The following JARID2 variants were observed in gnomAD, a reference collection of about 807,000 sequenced individuals.
JARID2 encodes the protein protein Jumonji.
JARID2 carries 21 observed loss-of-function variants against 125.6 expected under a neutral mutation model. The observed-to-expected ratio is 0.17, with a 90% CI of 0.12 to 0.24. The LOEUF (loss-of-function observed/expected upper bound fraction) is 0.24, where lower values mean the gene tolerates loss of function less well. Ranked by LOEUF, JARID2 falls within the 10% of genes least tolerant of loss-of-function variation. The pLI is 1.00. For synonymous variants in JARID2, 736 were observed against 661.6 expected (o/e 1.11, Z -1.73); for missense variants, 1,303 against 1,639.6 (o/e 0.79, Z 3.55).
chr6:15,455,610 C>T (rs529610329), intron 4 of JARID2, among the ~76,000 whole-genome samples: 4 of 152,218 alleles, frequency 2.6e-5, no homozygotes, highest in African/African-American at 9.7e-5. Context: ...TGGCTCACTG[C>T]AACCTCTGCA....
chr6:15,420,921 TC>T (rs1766458460), intron 3 of JARID2, among the ~76,000 whole-genome samples: 1 of 152,234 alleles, frequency 6.6e-6, no homozygotes, highest in South Asian at 2.1e-4. Flanking sequence ...TGGATACTGT[TC>T]CTGCTAATCC....
intron 1 of JARID2, among the ~76,000 whole-genome samples, chr6:15,326,905 A>G (rs779273928): frequency 3.9e-5 from 6 of 152,256 alleles, no homozygotes; most frequent in Admixed American, 2.0e-4. Flanking sequence ...TGTCAGTCTC[A>G]TGTTTTCAAA....
chr6:15,317,111 T>C (rs964234335), intron 1 of JARID2, among the ~76,000 whole-genome samples: 6 of 152,234 alleles, frequency 3.9e-5, no homozygotes, highest in Non-Finnish European at 8.8e-5. Context: ...AATGGTACTT[T>C]GTTGCATGTA....
intron 1 of JARID2, among the ~76,000 whole-genome samples, chr6:15,271,053 G>C (rs543595897): frequency 6.6e-6 from 1 of 152,198 alleles, no homozygotes; most frequent in East Asian, 1.9e-4. Context: ...GGAACACAGA[G>C]TTCCCCTCCA....
intron 1 of JARID2, among the ~76,000 whole-genome samples, chr6:15,368,967 C>G (rs1764070581): frequency 6.6e-6 from 1 of 152,042 alleles, no homozygotes; most frequent in South Asian, 2.1e-4. Context: ...GCTTTTCTAA[C>G]AGGCTGCCGA....
intron 1 of JARID2, among the ~76,000 whole-genome samples, chr6:15,279,545 A>T (rs1760672527): frequency 6.6e-6 from 1 of 152,214 alleles, no homozygotes; most frequent in South Asian, 2.1e-4. Context: ...TTGCTAATTT[A>T]TAAAAGCCTT....
chr6:15,338,429 G>T (rs1173249236), intron 1 of JARID2, among the ~76,000 whole-genome samples: 1 of 152,226 alleles, frequency 6.6e-6, no homozygotes, highest in Non-Finnish European at 1.5e-5. Context: ...GAAAGGACTG[G>T]CTTGGCTTCA....
chr6:15,332,864 T>A (rs1272878433), intron 1 of JARID2, among the ~76,000 whole-genome samples: 1 of 152,096 alleles, frequency 6.6e-6, no homozygotes, highest in Non-Finnish European at 1.5e-5. Context: ...CTGTTATTTT[T>A]AAAAGAATAA....
chr6:15,518,679 A>G (rs1484182342), intron 17 of JARID2, among the ~76,000 whole-genome samples: 1 of 152,096 alleles, frequency 6.6e-6, no homozygotes, highest in African/African-American at 2.4e-5. Context: ...ACAGGGTTTT[A>G]CCATGTTGGT....
intron 2 of JARID2, among the ~76,000 whole-genome samples, chr6:15,397,998 TATAATA>T (rs1765281194): frequency 6.6e-6 from 1 of 152,206 alleles, no homozygotes; most frequent in Non-Finnish European, 1.5e-5. Flanking sequence ...AGGCAAGCGA[TATAATA>T]AGCAAGGCCA....
chr6:15,382,904 A>AT (rs561277558), intron 2 of JARID2, among the ~76,000 whole-genome samples: 8 of 152,056 alleles, frequency 5.3e-5, no homozygotes, highest in Non-Finnish European at 1.2e-4. Context: ...TGTTTCCCTG[A>AT]TTACATCATC....
At chr6:15,342,705 G>A (rs1436753962) in intron 1 of JARID2, among the ~76,000 whole-genome samples, 1 of 151,958 alleles carries the variant, frequency 6.6e-6, no homozygotes. Flanking sequence ...AAAAATTTGT[G>A]GTTTATACTG....
intron 1 of JARID2, among the ~76,000 whole-genome samples, chr6:15,339,410 G>T (rs1359784124): frequency 6.6e-6 from 1 of 152,092 alleles, no homozygotes; most frequent in Non-Finnish European, 1.5e-5. Flanking sequence ...TTACATTAGA[G>T]GACCTCTGGA....
At chr6:15,344,161 C>G (rs753142064) in intron 1 of JARID2, among the ~76,000 whole-genome samples, 4 of 104,908 alleles carry the variant, frequency 3.8e-5, no homozygotes, top group Non-Finnish European at 7.0e-5. Flanking sequence ...GTGAAACTTA[C>G]TTTCGTGGTA....
chr6:15,248,181 C>A, intron 1 of JARID2: 1 of 733,286 alleles, frequency 1.4e-6, no homozygotes, highest in Non-Finnish European at 1.7e-6. Context: ...GCACCGGGAG[C>A]AGAGCCGGTG....
intron 13 of JARID2, among the ~76,000 whole-genome samples, chr6:15,511,754 C>G (rs953018542): frequency 6.6e-6 from 1 of 152,146 alleles, no homozygotes; most frequent in African/African-American, 2.4e-5. Context: ...CTGGTGAGTT[C>G]CTGGGAAGTG....
At chr6:15,326,181 A>G (rs566888080) in intron 1 of JARID2, among the ~76,000 whole-genome samples, 1 of 152,172 alleles carries the variant, frequency 6.6e-6, no homozygotes, top group Admixed American at 6.5e-5. Flanking sequence ...ATTTTGTTTC[A>G]TTTACACCTT....
intron 4 of JARID2, among the ~76,000 whole-genome samples, chr6:15,466,318 G>A (rs1221754754): frequency 6.6e-6 from 1 of 152,202 alleles, no homozygotes; most frequent in Non-Finnish European, 1.5e-5. Flanking sequence ...ACAAGAACCT[G>A]CTGTTTTTAT....
At chr6:15,255,929 G>A (rs1347180239) in intron 1 of JARID2, among the ~76,000 whole-genome samples, 1 of 152,148 alleles carries the variant, frequency 6.6e-6, no homozygotes, top group Non-Finnish European at 1.5e-5. Context: ...AATGGACAAG[G>A]TTGGGAATGT....
Sources: allele counts gnomAD v4.1 joint callset (sites outside exome capture counted in the v4.1 genomes callset), GRCh38; gene constraint gnomAD v4.1.1; transcripts MANE v1.5; gene names NCBI Gene and HGNC (gene_info 2026-07-23, HGNC 2026-07-21).